The following OSGIN2 variants were observed in gnomAD, a reference collection of about 807,000 sequenced individuals.
OSGIN2 encodes the protein oxidative stress induced growth inhibitor family member 2.
OSGIN2 carries 19 observed loss-of-function variants against 53.8 expected under a neutral mutation model. The ratio of observed to expected loss-of-function variants is 0.35; its 90% confidence interval spans 0.25 to 0.52. The LOEUF (loss-of-function observed/expected upper bound fraction) is 0.52, where lower values mean the gene tolerates loss of function less well. OSGIN2 is among the 20% of genes least tolerant of loss of function. The probability of loss-of-function intolerance (pLI) is 0.95; values close to 1 mark genes in which losing one functional copy is unlikely to be tolerated. For synonymous variants in OSGIN2, 236 were observed against 236.0 expected (o/e 1.00, Z 0.00); for missense variants, 520 against 662.7 (o/e 0.78, Z 2.36).
At chr8:89,924,148 A>G (rs1809263968) in intron 5 of OSGIN2, among the ~76,000 whole-genome samples, 1 of 152,166 alleles carries the variant, frequency 6.6e-6, no homozygotes, top group Non-Finnish European at 1.5e-5. Flanking sequence ...ATAGTTATAG[A>G]TTATAATTGT....
At position 89,925,306 on chromosome 8, in the gene OSGIN2, A is replaced by G. The variant is rs778670925; in HGVS notation, c.1424A>G (p.His475Arg). 4.0e-5 allele frequency: 64 copies of G among 1,614,054 alleles called. No homozygotes were observed. Among genetic ancestry groups the G allele is most frequent in the Non-Finnish European group, 5.3e-5 (62 of 1,180,008 alleles). ...AAGGATCAAGGGTGTTACCTAGGCCATAAGTCAAGCCAGCCAATCACATGT... is the reference window on the plus strand; with the variant it reads ...AAGGATCAAGGGTGTTACCTAGGCCGTAAGTCAAGCCAGCCAATCACATGT... ...FLKDQGCYLG[H>R]KSSQPITCKG... Residue 475 changes from histidine to arginine, a missense_variant, in exon 6 of 6, where the codon CAT becomes CGT. His to Arg is a conservative substitution (Grantham distance 29). Around this residue, in one of 3 missense-constraint regions of OSGIN2, gnomAD observed 239 missense variants for 328.3 expected, o/e 0.73. Coordinates refer to ENST00000451899, the MANE Select transcript of OSGIN2 (RefSeq NM_001126111.3).
intron 1 of OSGIN2, 64 bp downstream of exon 1, chr8:89,902,901 C>T: frequency 3.3e-6 from 4 of 1,200,574 alleles, no homozygotes; most frequent in South Asian, 2.2e-5. Flanking sequence ...AGCTTTTTGG[C>T]CTGGCCCGGG....
Position 89,925,510 on chromosome 8 carries a change from G to A in OSGIN2, c.1628G>A (p.Gly543Glu). 6.2e-7 allele frequency: 1 copy of A among 1,613,768 alleles called. No homozygotes were observed. The highest frequency in any genetic ancestry group is 8.5e-7 in the Non-Finnish European group (1 of 1,179,808). Reference sequence around the variant, plus strand: ...AAAAAGCATTTGTTTGTTGAAAGAGGAGGAGGAGATGGGATAGCTTAAAGC... The same window carrying A: ...AAAAAGCATTTGTTTGTTGAAAGAGAAGGAGGAGATGGGATAGCTTAAAGC... ...QKKKHLFVERGGGDGIA is the reference protein window; with the variant it reads ...QKKKHLFVEREGGDGIA Residue 543 changes from glycine (G) to glutamate (E), a missense_variant, in exon 6 of 6, where the codon GGA (glycine) becomes GAA (glutamate). Transcript: ENST00000451899.
At chr8:89,913,101 G>A (rs1430872545) in intron 2 of OSGIN2, among the ~76,000 whole-genome samples, 1 of 152,212 alleles carries the variant, frequency 6.6e-6, no homozygotes, top group Non-Finnish European at 1.5e-5. Context: ...CACACATCAT[G>A]TGACCTCTGG....
At chr8:89,919,556 T>C (rs1359269500) in intron 4 of OSGIN2, among the ~76,000 whole-genome samples, 1 of 152,204 alleles carries the variant, frequency 6.6e-6, no homozygotes, top group Non-Finnish European at 1.5e-5. Flanking sequence ...GCAAAACTCA[T>C]GCTCATCAGG....
intron 2 of OSGIN2, among the ~76,000 whole-genome samples, chr8:89,910,125 G>A (rs1808938568): frequency 6.6e-6 from 1 of 152,170 alleles, no homozygotes; most frequent in Non-Finnish European, 1.5e-5. Flanking sequence ...CAGATGTTGA[G>A]TAACGTGCAA....
chr8:89,915,884 T>C (rs923689070), intron 4 of OSGIN2, among the ~76,000 whole-genome samples: 2 of 152,310 alleles, frequency 1.3e-5, no homozygotes, highest in Admixed American at 6.5e-5. Context: ...TAATAATGAG[T>C]AGCAACTACC....
At chr8:89,911,711 T>C (rs140506410) in intron 2 of OSGIN2, among the ~76,000 whole-genome samples, 1 of 150,004 alleles carries the variant, frequency 6.7e-6, no homozygotes, top group Admixed American at 6.6e-5. Context: ...GAGGCGGGCA[T>C]ATAACAAGGT....
rs1210106229 is a variant in OSGIN2, at chr8:89,925,592, T to G, written c.*60T>G. On this transcript the variant is annotated 3_prime_UTR_variant, in exon 6 of 6. Transcript: ENST00000451899. ...CCATTAAAGATTTTTAATAGTGGTT[T>G]TGCAGTGTACTGGCTTGAATTTTCT... 2 of 1,376,916 alleles carry G rather than the reference T, an allele frequency of 1.5e-6. No homozygotes were observed. Among genetic ancestry groups the G allele is most frequent in the Admixed American group, 4.0e-5 (2 of 49,426 alleles). The allele number at this position is 1,376,916 out of a possible 1,614,324, so 85.3% of individuals were successfully genotyped here.
chr8:89,912,476 T>A (rs1808986166), intron 2 of OSGIN2, among the ~76,000 whole-genome samples: 1 of 152,068 alleles, frequency 6.6e-6, no homozygotes, highest in Non-Finnish European at 1.5e-5. Flanking sequence ...TCCTGATTGG[T>A]TGGGCGTGAT....
chr8:89,910,629 C>T (rs1405209162), intron 2 of OSGIN2, among the ~76,000 whole-genome samples: 1 of 152,182 alleles, frequency 6.6e-6, no homozygotes, highest in African/African-American at 2.4e-5. Flanking sequence ...TAATAGTTCT[C>T]AACCAAGAGA....
In OSGIN2 at chr8:89,924,899, A is replaced by G. The variant is rs147387794; in HGVS notation, c.1017A>G (p.Gly339=). 3.1e-6 allele frequency: 5 copies of G among 1,614,072 alleles called. No individual in the cohort carries two copies. In the African/African-American group the frequency reaches 5.3e-5, roughly 17 times the overall value. The stretch of plus-strand genomic sequence containing the variant: ...AATTTGGAGCTGCTATAAACAAAGG[A>G]AAGTTGCGTGGCAAAGTGGATCCAG... The part of the protein sequence containing the change: ...MPEFGAAINK[G]KLRGKVDPVL... Residue 339 remains glycine, a synonymous_variant, in exon 6 of 6, where the codon GGA becomes GGG. Transcript: ENST00000451899.
rs567105320 is a variant in OSGIN2, at chr8:89,902,908, C to G, written c.44+71C>G. 8.7e-6 allele frequency: 9 copies of G among 1,039,672 alleles called. No individual in the cohort carries two copies. The South Asian group carries it at 1.2e-4, about 14-fold the overall frequency. The allele number at this position is 1,039,672 out of a possible 1,614,324, so 64.4% of individuals were successfully genotyped here. On this transcript the variant is annotated intron_variant, in intron 1 of 5. Transcript: ENST00000451899. ...CGCTCTCGAGCTTTTTGGCCTGGCC[C>G]GGGCCGGGACCGGGGTGGAGGGCGA... is the stretch of plus-strand genomic sequence containing the variant.
intron 1 of OSGIN2, among the ~76,000 whole-genome samples, chr8:89,904,309 G>GCA (rs1415204680): frequency 6.6e-6 from 1 of 152,166 alleles, no homozygotes; most frequent in Non-Finnish European, 1.5e-5. Flanking sequence ...ACCTTTTGAT[G>GCA]CACAGTGTAG....
intron 5 of OSGIN2, among the ~76,000 whole-genome samples, chr8:89,921,560 A>T (rs949309017): frequency 1.3e-5 from 2 of 152,208 alleles, no homozygotes; most frequent in Non-Finnish European, 2.9e-5. Context: ...GCATACCTAA[A>T]GTGTTTGACT....
chr8:89,908,238 G>A (rs937636276), intron 1 of OSGIN2, among the ~76,000 whole-genome samples: 2 of 152,168 alleles, frequency 1.3e-5, no homozygotes, highest in African/African-American at 4.8e-5. Flanking sequence ...CCAAGGGTAG[G>A]CTTGCACTGT....
rs780604438 is a variant in OSGIN2 at position 89,914,665 on chromosome 8, C to T, written c.447C>T (p.Ser149=). The part of the protein sequence containing the change: ...PDADFGYDYP[S]VLHWKLEQHH... ...CTGACTTTGGGTATGATTATCCATC[C>T]GTTTTGCATTGGAAATTAGAGCAAC... Residue 149 remains serine, a synonymous_variant, in exon 4 of 6, where the codon TCC becomes TCT. Coordinates refer to ENST00000451899, the MANE Select transcript of OSGIN2 (RefSeq NM_001126111.3). The T allele has an allele frequency of 2.0e-5, 33 of 1,613,554 alleles. No homozygotes were observed. Among genetic ancestry groups the T allele is most frequent in the Admixed American group, 5.0e-5 (3 of 59,996 alleles).
In OSGIN2 at chr8:89,925,051, C is replaced by T; in HGVS notation, c.1169C>T (p.Pro390Leu). Residue 390 changes from proline (P) to leucine (L), a missense_variant, in exon 6 of 6, where the codon CCC becomes CTC. Physicochemically the swap from Pro to Leu is moderately conservative, Grantham distance 98 (BLOSUM62 -3). This residue lies in a region of OSGIN2 where 239 missense variants were observed against 328.3 expected (regional missense o/e 0.73). Transcript: ENST00000451899. ...TDPSLIFKQL[P>L]KKLYPEYHKV... Reference sequence around the variant, plus strand: ...CCAAGCTTAATTTTCAAACAGCTTCCCAAAAAGCTGTATCCTGAATATCAT... The same window carrying T: ...CCAAGCTTAATTTTCAAACAGCTTCTCAAAAAGCTGTATCCTGAATATCAT... 1 of 1,613,404 alleles carries T rather than the reference C, an allele frequency of 6.2e-7. No individual in the cohort carries two copies. Among genetic ancestry groups the T allele is most frequent in the Non-Finnish European group, 8.5e-7 (1 of 1,179,374 alleles).
At chr8:89,903,115 C>G (rs1808762382) in intron 1 of OSGIN2, among the ~76,000 whole-genome samples, 1 of 152,178 alleles carries the variant, frequency 6.6e-6, no homozygotes, top group Non-Finnish European at 1.5e-5. Flanking sequence ...TTACGGCGAG[C>G]TGAGACTTCC....
Sources: allele counts gnomAD v4.1 joint callset (sites outside exome capture counted in the v4.1 genomes callset), GRCh38; gene constraint gnomAD v4.1.1; regional missense constraint gnomAD v4.1.1; transcripts MANE v1.5; gene names NCBI Gene and HGNC (gene_info 2026-07-23, HGNC 2026-07-21).